The following KCNQ4 variants were observed in gnomAD, a reference collection of about 807,000 sequenced individuals.
The protein encoded by KCNQ4 is potassium voltage-gated channel subfamily Q member 4.
A neutral mutation model predicts 72.6 loss-of-function variants in KCNQ4; 31 were observed. That is an observed-to-expected ratio of 0.43 (90% CI 0.32 to 0.58). The LOEUF is 0.58. KCNQ4 is among the 20% of genes least tolerant of loss of function. KCNQ4 has a pLI of 0.08. For missense variants in KCNQ4, 869 were observed against 962.6 expected (o/e 0.90, Z 1.29); for synonymous variants, 405 against 403.7 (o/e 1.00, Z -0.04).
chr1:40,813,647 T>A (rs989102813), intron 1 of KCNQ4, among the ~76,000 whole-genome samples: 2 of 152,200 alleles, frequency 1.3e-5, no homozygotes, highest in Admixed American at 1.3e-4. Context: ...GCTGGACACC[T>A]GGGAGAGGCT....
chr1:40,823,854 G>A (rs1371985990), intron 8 of KCNQ4, among the ~76,000 whole-genome samples: 1 of 152,224 alleles, frequency 6.6e-6, no homozygotes, highest in African/African-American at 2.4e-5. Flanking sequence ...CTCCTTGCAC[G>A]GCTGCCCTTG....
At chr1:40,820,483 G>A (rs1440110621) in intron 7 of KCNQ4, among the ~76,000 whole-genome samples, 2 of 152,320 alleles carry the variant, frequency 1.3e-5, no homozygotes, top group African/African-American at 4.8e-5. Flanking sequence ...CTGGTTTAGG[G>A]CTAGCCAGAA....
Position 40,784,186 on chromosome 1 carries a change from C to T in KCNQ4, c.93C>T (p.Ser31=). ...TAGTGGCGCTCACGGCCGTGCAGAG[C>T]GAACAGGGCGAGGCGGGCGGGGGCG... ...AELVALTAVQ[S]EQGEAGGGGS... The change falls in exon 1 of 14, where the codon AGC becomes AGT. Residue 31 remains serine, a synonymous_variant. Coordinates refer to ENST00000347132, the MANE Select transcript of KCNQ4 (RefSeq NM_004700.4). This position sits in a 1 kb window ranked among gnomAD's most constrained non-coding sequence, Gnocchi z 4.1. 8.9e-7 allele frequency: 1 copy of T among 1,123,862 alleles called. No individual in the cohort carries two copies. Among genetic ancestry groups the T allele is most frequent in the Non-Finnish European group, 1.1e-6 (1 of 917,862 alleles). 69.6% of individuals were successfully genotyped at this position (1,123,862 alleles called of 1,614,324 possible). A position where few individuals can be genotyped will look rare whatever the true frequency, so the allele number is the denominator to read the frequency against.
rs558102724 is a variant in KCNQ4, at chr1:40,816,747, C to T, written c.315-518C>T. Among the ~76,000 whole-genome samples, 47 of 152,342 alleles carry T rather than the reference C, an allele frequency of 3.1e-4. 1 individual carries two copies. The highest frequency in any genetic ancestry group is 9.9e-4 in the African/African-American group (41 of 41,570). On this transcript the variant is annotated intron_variant, in intron 1 of 13. Coordinates refer to ENST00000347132, the MANE Select transcript of KCNQ4 (RefSeq NM_004700.4). Reference sequence around the variant, plus strand: ...ATCCTCTTTCCTTTTCTAGCTGTCTCGTTACTTAATTCCACGAAGGCAGGG... The same window carrying T: ...ATCCTCTTTCCTTTTCTAGCTGTCTTGTTACTTAATTCCACGAAGGCAGGG...
In KCNQ4 at chr1:40,838,492, T is replaced by A; in HGVS notation, c.2057T>A (p.Ile686Asn). 6.2e-7 allele frequency: 1 copy of A among 1,614,080 alleles called. No individual in the cohort carries two copies. The highest frequency in any genetic ancestry group is 8.5e-7 in the Non-Finnish European group (1 of 1,179,950). The change falls in exon 14 of 14, where the codon ATC (isoleucine) becomes AAC (asparagine). Residue 686 changes from isoleucine to asparagine, a missense_variant. Coordinates refer to ENST00000347132, the MANE Select transcript of KCNQ4 (RefSeq NM_004700.4). ...TCCGTCTCCGCACAGACGCTCAGCATCTCCCGCTCGGTCAGCACCAACATG... is the reference window on the plus strand; with the variant it reads ...TCCGTCTCCGCACAGACGCTCAGCAACTCCCGCTCGGTCAGCACCAACATG... ...DISVSAQTLS[I>N]SRSVSTNMD
intron 9 of KCNQ4, among the ~76,000 whole-genome samples, chr1:40,825,993 G>C (rs544143329): frequency 6.6e-6 from 1 of 152,212 alleles, no homozygotes; most frequent in African/African-American, 2.4e-5. Context: ...CTGGGACACA[G>C]GGTGATGGTA....
In KCNQ4 at chr1:40,818,036, A is replaced by G; in HGVS notation, c.406-128A>G. On this transcript the variant is annotated intron_variant, in intron 2 of 13. Coordinates refer to ENST00000347132, the MANE Select transcript of KCNQ4 (RefSeq NM_004700.4). Reference sequence around the variant, plus strand: ...CCCTCCGGAATCGTCAAGTCCAGGAAACTCCAGGAGAGGGGTCCGAGGAGG... The same window carrying G: ...CCCTCCGGAATCGTCAAGTCCAGGAGACTCCAGGAGAGGGGTCCGAGGAGG... 1.0e-5 allele frequency: 13 copies of G among 1,248,010 alleles called. No individual in the cohort carries two copies. In the South Asian group the frequency reaches 1.5e-4, roughly 14 times the overall value. 77.3% of individuals were successfully genotyped at this position (1,248,010 alleles called of 1,614,324 possible). A position where few individuals can be genotyped will look rare whatever the true frequency, so the allele number is the denominator to read the frequency against.
intron 8 of KCNQ4, among the ~76,000 whole-genome samples, chr1:40,822,637 C>T (rs1171678861): frequency 6.6e-6 from 1 of 152,206 alleles, no homozygotes; most frequent in Non-Finnish European, 1.5e-5. Flanking sequence ...AGCCCTGCCC[C>T]ATGGCTGAAC....
At chr1:40,816,399 C>G (rs766534391) in intron 1 of KCNQ4, among the ~76,000 whole-genome samples, 29 of 152,186 alleles carry the variant, frequency 1.9e-4, no homozygotes, top group African/African-American at 6.5e-4. Flanking sequence ...TCCTCATGCC[C>G]TTGGTCCTCT....
chr1:40,819,703 C>T (rs1197455311), intron 5 of KCNQ4, among the ~76,000 whole-genome samples, 172 bp from the exon 6 acceptor site: 1 of 152,092 alleles, frequency 6.6e-6, no homozygotes, highest in Non-Finnish European at 1.5e-5. Context: ...TGACTATACC[C>T]CTTTCCCCTG....
At chr1:40,819,728 G>T in intron 5 of KCNQ4, 147 bp from the exon 6 acceptor site, 1 of 823,250 alleles carries the variant, frequency 1.2e-6, no homozygotes, top group South Asian at 1.4e-5. Context: ...GCCCAGGAGA[G>T]GGAGAATCCA....
chr1:40,799,440 C>CT lies in KCNQ4; in HGVS notation c.314+15033_314+15034insT, dbSNP rs923897717. The stretch of plus-strand genomic sequence containing the variant: ...GCAAATGTGTGGGCCATGCCCCCCC[C>CT]CTCGCTAGGCAGTAAACACTGCCGT... On this transcript the variant is annotated intron_variant, in intron 1 of 13. Transcript: ENST00000347132. Among the ~76,000 whole-genome samples, 31 of 148,660 alleles carry CT rather than the reference C, an allele frequency of 2.1e-4. 1 individual carries two copies. Among genetic ancestry groups the CT allele is most frequent in the African/African-American group, 7.5e-4 (31 of 41,164 alleles).
At chr1:40,812,548 C>T (rs1647960412) in intron 1 of KCNQ4, among the ~76,000 whole-genome samples, 3 of 152,188 alleles carry the variant, frequency 2.0e-5, no homozygotes, top group South Asian at 2.1e-4. Flanking sequence ...AGGCATGAGC[C>T]ACCGCGCCTC....
At chr1:40,833,411 A>T (rs1381200139) in intron 11 of KCNQ4, among the ~76,000 whole-genome samples, 1 of 152,126 alleles carries the variant, frequency 6.6e-6, no homozygotes, top group Non-Finnish European at 1.5e-5. Context: ...ACTGTATAAA[A>T]AAAAAAAATG....
intron 7 of KCNQ4, 61 bp from the exon 8 acceptor site, chr1:40,822,253 G>T: frequency 7.3e-7 from 1 of 1,367,164 alleles, no homozygotes. Context: ...CAGGGGAGAG[G>T]GCTGGTGGGG....
chr1:40,838,217 C>A, intron 13 of KCNQ4, 94 bp from the exon 14 acceptor site: 1 of 1,083,380 alleles, frequency 9.2e-7, no homozygotes. Context: ...CCGCCCACTC[C>A]ACCGGCTAGG....
rs1647345618 is a variant in KCNQ4, at chr1:40,794,234, G to A, written c.314+9827G>A. Among the ~76,000 whole-genome samples, 1 of 152,182 alleles carries A rather than the reference G, an allele frequency of 6.6e-6. No individual in the cohort carries two copies. The highest frequency in any genetic ancestry group is 1.5e-5 in the Non-Finnish European group (1 of 68,034). On this transcript the variant is annotated intron_variant, in intron 1 of 13. Coordinates refer to ENST00000347132, the MANE Select transcript of KCNQ4 (RefSeq NM_004700.4). The surrounding 1 kb of genome is among the most constrained non-coding windows in gnomAD (Gnocchi z 4.2). ...TTGCCCCAAGACCTGCAGAGCACAGGGCCTTGATTGACAGGCTGTGGAGGT... is the reference window on the plus strand; with the variant it reads ...TTGCCCCAAGACCTGCAGAGCACAGAGCCTTGATTGACAGGCTGTGGAGGT...
chr1:40,785,040 G>A (rs1647188419), intron 1 of KCNQ4, among the ~76,000 whole-genome samples: 2 of 152,168 alleles, frequency 1.3e-5, no homozygotes, highest in African/African-American at 4.8e-5. Context: ...CAGTGGCAAC[G>A]GCGGCCGCCC....
At position 40,784,454 on chromosome 1, in the gene KCNQ4, G is replaced by A; in HGVS notation, c.314+47G>A. The A allele has an allele frequency of 6.4e-7, 1 of 1,574,514 alleles. No homozygotes were observed. Among genetic ancestry groups the A allele is most frequent in the Non-Finnish European group, 8.7e-7 (1 of 1,156,028 alleles). ...CTTCCGCGTTTCCCCGCGCAAGCCT[G>A]GCCTCCCGGGGCACGGCCGCCCCGC... On this transcript the variant is annotated intron_variant, in intron 1 of 13. Coordinates refer to ENST00000347132, the MANE Select transcript of KCNQ4 (RefSeq NM_004700.4). This position sits in a 1 kb window ranked among gnomAD's most constrained non-coding sequence, Gnocchi z 4.1.
Sources: allele counts gnomAD v4.1 joint callset (sites outside exome capture counted in the v4.1 genomes callset), GRCh38; gene constraint gnomAD v4.1.1; non-coding constraint Gnocchi (gnomAD v3.1); transcripts MANE v1.5; gene names NCBI Gene and HGNC (gene_info 2026-07-23, HGNC 2026-07-21).